CEP126: variants seen among roughly 807,000 people sequenced by gnomAD.
CEP126 encodes centrosomal protein of 126 kDa.
In CEP126, 74 loss-of-function variants were observed where a neutral mutation model predicts 107.8. That is an observed-to-expected ratio of 0.69 (90% CI 0.57 to 0.83). The LOEUF (loss-of-function observed/expected upper bound fraction) is 0.83. CEP126 is among the 40% of genes least tolerant of loss of function. The pLI, the probability that CEP126 is intolerant of heterozygous loss-of-function variation, is 0.00. For synonymous variants in CEP126, 449 were observed against 446.0 expected, an observed-to-expected ratio of 1.01 and a Z score of -0.08; for missense variants, 1,237 against 1,281.9, an observed-to-expected ratio of 0.96 and a Z score of 0.53.
intron 8 of CEP126, 85 bp from the exon 9 acceptor site, chr11:101,986,747 C>A: frequency 2.2e-6 from 2 of 891,764 alleles, no homozygotes; most frequent in Non-Finnish European, 1.8e-6. Context: ...GACAGTTAAG[C>A]ATGTATAAGT....
intron 2 of CEP126, among the ~76,000 whole-genome samples, chr11:101,935,962 T>C (rs1401770363): frequency 6.6e-6 from 1 of 152,126 alleles, no homozygotes; most frequent in Non-Finnish European, 1.5e-5. Context: ...CACTTCTTTA[T>C]AGTGAAATAA....
rs906632734 is a variant in CEP126 at position 101,963,453 on chromosome 11, T to G, written c.2418T>G (p.Ser806=). The change falls in exon 6 of 11, where the codon TCT becomes TCG. Residue 806 remains serine, a synonymous_variant. Coordinates refer to ENST00000263468, the MANE Select transcript of CEP126 (RefSeq NM_020802.4). ...KLIIPCPPPQ[S]TSNIRSGKNI... is the part of the protein sequence containing the mutation. ...TTATACCTTGTCCTCCTCCTCAATC[T>G]ACATCAAATATTAGAAGTGGTAAAA... is the stretch of plus-strand genomic sequence containing the variant. 1.2e-6 allele frequency: 2 copies of G among 1,614,016 alleles called. No individual in the cohort carries two copies. The highest frequency in any genetic ancestry group is 2.7e-5 in the African/African-American group (2 of 74,934).
At chr11:101,946,332 ACTCAAT>A (rs968991902) in intron 3 of CEP126, among the ~76,000 whole-genome samples, 86 of 151,584 alleles carry the variant, frequency 5.7e-4, no homozygotes, top group African/African-American at 2.0e-3. Flanking sequence ...ACATGATGAA[ACTCAAT>A]CTCTACAAAC....
At chr11:101,919,256 C>G (rs1366376830) in intron 1 of CEP126, among the ~76,000 whole-genome samples, 1 of 152,038 alleles carries the variant, frequency 6.6e-6, no homozygotes, top group African/African-American at 2.4e-5. Context: ...AAAATCGAAT[C>G]AACATAGCTT....
At chr11:101,933,729 C>T (rs938491195) in intron 2 of CEP126, among the ~76,000 whole-genome samples, 1 of 151,652 alleles carries the variant, frequency 6.6e-6, no homozygotes, top group Non-Finnish European at 1.5e-5. Context: ...TCCCTCTATC[C>T]GAAATATAAA....
At chr11:101,985,945 C>A (rs530719630) in intron 8 of CEP126, among the ~76,000 whole-genome samples, 1 of 149,448 alleles carries the variant, frequency 6.7e-6, no homozygotes, top group African/African-American at 2.5e-5. Context: ...TAATTTCTTA[C>A]GAATTTGTTT....
In CEP126 at chr11:102,000,273, C is replaced by A. The variant is rs973800517; in HGVS notation, c.*2630C>A. 1 of 152,134 alleles carries A rather than the reference C, an allele frequency of 6.6e-6. No homozygotes were observed. Among genetic ancestry groups the A allele is most frequent in the East Asian group, 1.9e-4 (1 of 5,194 alleles). 9.4% of individuals were successfully genotyped at this position (152,134 alleles called of 1,614,324 possible). On this transcript the variant is annotated 3_prime_UTR_variant, in exon 11 of 11. Transcript: ENST00000263468. ...AGAAAAATGCCCTTTCACACTGAAT[C>A]TTCAAGTTCTAAGGAAGAAAAGAGT...
At chr11:101,970,628 A>G (rs1464775591) in intron 6 of CEP126, among the ~76,000 whole-genome samples, 1 of 152,010 alleles carries the variant, frequency 6.6e-6, no homozygotes, top group Non-Finnish European at 1.5e-5. Context: ...TTTTCCAATA[A>G]TTATTAAGAA....
chr11:101,971,769 A>ATT (rs1409225828), intron 6 of CEP126, among the ~76,000 whole-genome samples: 1 of 152,226 alleles, frequency 6.6e-6, no homozygotes, highest in Non-Finnish European at 1.5e-5. Context: ...GTTAAGACTG[A>ATT]TAATAAGAGA....
chr11:101,986,761 T>C (rs1046825595), intron 8 of CEP126, 71 bp from the exon 9 acceptor site: 40 of 1,060,456 alleles, frequency 3.8e-5, no homozygotes, highest in East Asian at 4.7e-5. Flanking sequence ...TATAAGTATA[T>C]GTAAGTATAT....
intron 2 of CEP126, among the ~76,000 whole-genome samples, chr11:101,930,571 C>G (rs1940482945): frequency 6.6e-6 from 1 of 152,172 alleles, no homozygotes; most frequent in South Asian, 2.1e-4. Context: ...CACCATGGAA[C>G]AGGACCCCAA....
Position 101,973,557 on chromosome 11 carries a change from G to A in CEP126, c.2846-4790G>A, listed in dbSNP as rs186042841. Among the ~76,000 whole-genome samples, 21 of 152,236 alleles carry A rather than the reference G, an allele frequency of 1.4e-4. No individual in the cohort carries two copies. The South Asian group carries it at 1.7e-3, about 12-fold the overall frequency. On this transcript the variant is annotated intron_variant, in intron 6 of 10. Coordinates refer to ENST00000263468, the MANE Select transcript of CEP126 (RefSeq NM_020802.4). ...ATCAGGACAAATAGCTAATGCATCC[G>A]GGGCTTAATACCTAGGTGATGGGTT... is the stretch of plus-strand genomic sequence containing the variant.
In CEP126 at chr11:101,949,031, G is replaced by A. The variant is rs76847558; in HGVS notation, c.506+889G>A. Among the ~76,000 whole-genome samples, 592 of 152,252 alleles carry A rather than the reference G, an allele frequency of 3.9e-3. 2 individuals are homozygous for A. Among genetic ancestry groups the A allele is most frequent in the Non-Finnish European group, 4.8e-3 (328 of 68,010 alleles). On this transcript the variant is annotated intron_variant, in intron 4 of 10. Coordinates refer to ENST00000263468, the MANE Select transcript of CEP126 (RefSeq NM_020802.4). ...AATTAGAGTTCAGGAAAGACCTCATGGGACAGAGAATTCTTCAGCAAAGCT... is the reference window on the plus strand; with the variant it reads ...AATTAGAGTTCAGGAAAGACCTCATAGGACAGAGAATTCTTCAGCAAAGCT...
chr11:101,950,906 A>G (rs1940803387), intron 4 of CEP126, among the ~76,000 whole-genome samples: 3 of 152,232 alleles, frequency 2.0e-5, no homozygotes, highest in Non-Finnish European at 4.4e-5. Flanking sequence ...GAGTGATAGC[A>G]TCCTCTTTCT....
chr11:101,995,578 TC>T (rs1941432552), intron 10 of CEP126, among the ~76,000 whole-genome samples: 1 of 152,098 alleles, frequency 6.6e-6, no homozygotes, highest in African/African-American at 2.4e-5. Context: ...ATCTGGGAGT[TC>T]GTGGGGAAGG....
rs780971878 is a variant in CEP126 at position 101,963,389 on chromosome 11, G to T, written c.2354G>T (p.Ser785Ile). 1 of 1,614,112 alleles carries T rather than the reference G, an allele frequency of 6.2e-7. No homozygotes were observed. Among genetic ancestry groups the T allele is most frequent in the South Asian group, 1.1e-5 (1 of 91,080 alleles). Residue 785 changes from serine to isoleucine, a missense_variant, in exon 6 of 11, where the codon AGC (serine) becomes ATC (isoleucine). This residue lies in a region of CEP126 where 1,134 missense variants were observed against 1,150.5 expected (regional missense o/e 0.99). Transcript: ENST00000263468. ...GCTGTCATTCAACCACAGTCTGCAAGCAAAGTCAACATATTTACACAAGCT... is the reference window on the plus strand; with the variant it reads ...GCTGTCATTCAACCACAGTCTGCAATCAAAGTCAACATATTTACACAAGCT... ...KGAVIQPQSA[S>I]KVNIFTQAQG...
chr11:101,923,227 T>G (rs1225115408), intron 2 of CEP126, among the ~76,000 whole-genome samples: 3 of 152,110 alleles, frequency 2.0e-5, no homozygotes, highest in Non-Finnish European at 2.9e-5. Context: ...GGTATAAAAA[T>G]TGGAAAAATA....
chr11:101,973,788 G>A (rs1236152893), intron 6 of CEP126, among the ~76,000 whole-genome samples: 2 of 152,088 alleles, frequency 1.3e-5, no homozygotes, highest in Non-Finnish European at 2.9e-5. Context: ...TTCTAATTAT[G>A]ATAACTTATA....
At chr11:101,916,822 G>A (rs191886090) in intron 1 of CEP126, among the ~76,000 whole-genome samples, 6 of 151,998 alleles carry the variant, frequency 3.9e-5, no homozygotes, top group Admixed American at 3.3e-4. Context: ...TGATACAAAT[G>A]CCAAAGAAAA....
Sources: allele counts gnomAD v4.1 joint callset (sites outside exome capture counted in the v4.1 genomes callset), GRCh38; gene constraint gnomAD v4.1.1; regional missense constraint gnomAD v4.1.1; transcripts MANE v1.5; gene names NCBI Gene and HGNC (gene_info 2026-07-23, HGNC 2026-07-21).